RASGRP3: variants seen among roughly 807,000 people sequenced by gnomAD.
The protein encoded by RASGRP3 is RAS guanyl releasing protein 3.
Under a neutral mutation model 82.7 loss-of-function variants are expected in RASGRP3, and 54 were observed. The observed-to-expected ratio is 0.65, with a 90% confidence interval of 0.52 to 0.82. The LOEUF (loss-of-function observed/expected upper bound fraction) is 0.82. RASGRP3 is among the 40% of genes least tolerant of loss of function. The pLI, the probability that RASGRP3 is intolerant of heterozygous loss-of-function variation, is 0.00. For missense variants in RASGRP3, 861 were observed against 828.9 expected, an observed-to-expected ratio of 1.04 and a Z score of -0.48; for synonymous variants, 309 against 300.5, an observed-to-expected ratio of 1.03 and a Z score of -0.29.
At chr2:33,485,344 T>C (rs1047081691) in intron 1 of RASGRP3, among the ~76,000 whole-genome samples, 12 of 152,336 alleles carry the variant, frequency 7.9e-5, no homozygotes, top group African/African-American at 2.9e-4. Flanking sequence ...CAAAGAAATA[T>C]CCCTGGACTC....
intron 1 of RASGRP3, among the ~76,000 whole-genome samples, chr2:33,477,496 T>C (rs1667481570): frequency 6.6e-6 from 1 of 152,262 alleles, no homozygotes; most frequent in Non-Finnish European, 1.5e-5. Context: ...TCCTTGTTTA[T>C]GACCTGACTG....
At chr2:33,536,044 T>C (rs931073719) in intron 11 of RASGRP3, among the ~76,000 whole-genome samples, 3 of 152,092 alleles carry the variant, frequency 2.0e-5, no homozygotes, top group Admixed American at 6.5e-5. Context: ...GGCTCACACC[T>C]GTAATCCCAG....
In RASGRP3 at chr2:33,452,566, G is replaced by T. The variant is rs549978254; in HGVS notation, c.-261+4623G>T. On this transcript the variant is annotated intron_variant, in intron 2 of 18. Coordinates refer to the RASGRP3 transcript ENST00000402538. Reference sequence around the variant, plus strand: ...TCTGGACCCTGTGTTTGCAGGGGCTGGCCTGAAGTCTAGGTTCATGGGGGC... The same window carrying T: ...TCTGGACCCTGTGTTTGCAGGGGCTTGCCTGAAGTCTAGGTTCATGGGGGC... Among the ~76,000 whole-genome samples the T allele has an allele frequency of 2.7e-3, 405 of 152,276 alleles. 3 individuals are homozygous for T. The highest frequency in any genetic ancestry group is 9.1e-3 in the African/African-American group (379 of 41,554).
intron 11 of RASGRP3, among the ~76,000 whole-genome samples, chr2:33,535,136 TTTCTC>T (rs1229214658): frequency 6.6e-6 from 1 of 152,226 alleles, no homozygotes; most frequent in Non-Finnish European, 1.5e-5. Flanking sequence ...AATTTACAAA[TTTCTC>T]TACTAACCAT....
intron 2 of RASGRP3, among the ~76,000 whole-genome samples, chr2:33,453,037 C>T (rs1665878349): frequency 6.6e-6 from 1 of 152,214 alleles, no homozygotes; most frequent in African/African-American, 2.4e-5. Flanking sequence ...GTATCTTTCT[C>T]TGTGCTGTGC....
chr2:33,450,748 G>T (rs1665738400), intron 2 of RASGRP3, among the ~76,000 whole-genome samples: 1 of 148,104 alleles, frequency 6.8e-6, no homozygotes, highest in Non-Finnish European at 1.5e-5. Context: ...AAGTGGGATT[G>T]CTGAAGTATA....
intron 1 of RASGRP3, among the ~76,000 whole-genome samples, chr2:33,505,093 C>G (rs1558456270): frequency 6.6e-6 from 1 of 151,992 alleles, no homozygotes; most frequent in African/African-American, 2.4e-5. Context: ...ACATGAAGAG[C>G]ACCTAAATGA....
chr2:33,531,388 G>A (rs1673096054), intron 10 of RASGRP3, among the ~76,000 whole-genome samples: 1 of 152,202 alleles, frequency 6.6e-6, no homozygotes, highest in Non-Finnish European at 1.5e-5. Context: ...GGTCCGTAAA[G>A]CCCAGAGGAG....
intron 1 of RASGRP3, among the ~76,000 whole-genome samples, chr2:33,487,813 A>G (rs534342897): frequency 1.9e-4 from 29 of 152,302 alleles, no homozygotes; most frequent in African/African-American, 6.5e-4. Context: ...TAAGAAAGCC[A>G]TTAATGCCAG....
intron 2 of RASGRP3, among the ~76,000 whole-genome samples, chr2:33,469,462 A>AT (rs113071930): frequency 0.034 from 4,868 of 141,734 alleles, 236 homozygotes; most frequent in African/African-American, 0.11. Context: ...TTTGTATGTG[A>AT]TTTTTTTTTT....
chr2:33,439,357 T>C (rs1665098031), intron 1 of RASGRP3, among the ~76,000 whole-genome samples: 2 of 152,072 alleles, frequency 1.3e-5, no homozygotes, highest in Non-Finnish European at 2.9e-5. Context: ...GAGTTGGGTC[T>C]TGGTAAGCGG....
chr2:33,480,662 T>C (rs1012567669), intron 1 of RASGRP3, among the ~76,000 whole-genome samples: 1 of 152,236 alleles, frequency 6.6e-6, no homozygotes, highest in East Asian at 1.9e-4. Flanking sequence ...ACAATGCCTA[T>C]TTTGTTTCTT....
At position 33,558,739 on chromosome 2, in the gene RASGRP3, C is replaced by G. The variant is rs771210387; in HGVS notation, c.1773C>G (p.Ile591Met). The change falls in exon 17 of 18, where the codon ATC (isoleucine) becomes ATG (methionine). Residue 591 changes from isoleucine to methionine, a missense_variant. Physicochemically the swap from Ile to Met is conservative, Grantham distance 10 (BLOSUM62 1). Coordinates refer to ENST00000403687, the MANE Select transcript of RASGRP3 (RefSeq NM_001139488.2). Reference protein sequence around the residue: ...AGHRDLDSRAITLVTGSSRKI... With the variant: ...AGHRDLDSRAMTLVTGSSRKI... ...ACAGGGATTTAGACAGCAGAGCCAT[C>G]ACACTGGTTACAGGCTCTTCTCGCA... 1 of 1,613,920 alleles carries G rather than the reference C, an allele frequency of 6.2e-7. No individual in the cohort carries two copies. The highest frequency in any genetic ancestry group is 8.5e-7 in the Non-Finnish European group (1 of 1,179,882).
At chr2:33,457,634 C>T (rs1274429525) in intron 2 of RASGRP3, among the ~76,000 whole-genome samples, 3 of 151,824 alleles carry the variant, frequency 2.0e-5, no homozygotes, top group Admixed American at 2.0e-4. Flanking sequence ...ATGCGGAATG[C>T]ATTATTTGCA....
chr2:33,464,598 G>A (rs980036121), intron 2 of RASGRP3, among the ~76,000 whole-genome samples: 17 of 151,714 alleles, frequency 1.1e-4, no homozygotes, highest in Admixed American at 2.6e-4. Context: ...TTAGCTACCC[G>A]AATAGCTGGG....
At chr2:33,479,689 G>A (rs1439604737) in intron 1 of RASGRP3, among the ~76,000 whole-genome samples, 1 of 152,086 alleles carries the variant, frequency 6.6e-6, no homozygotes, top group Non-Finnish European at 1.5e-5. Context: ...CCACACACCA[G>A]TTGCATATCT....
rs114338366 is a variant in RASGRP3 at position 33,490,878 on chromosome 2, C to T, written c.-261+14171C>T. 4.4e-3 allele frequency among the ~76,000 whole-genome samples: 672 copies of T among 152,298 alleles called. 5 individuals are homozygous for T. The highest frequency in any genetic ancestry group is 0.016 in the African/African-American group (652 of 41,556). ...TCACTGCCGGATACCCAGGCCCTGGCATAATGTCTGGAAGGTAGAGACGTA... is the reference window on the plus strand; with the variant it reads ...TCACTGCCGGATACCCAGGCCCTGGTATAATGTCTGGAAGGTAGAGACGTA... On this transcript the variant is annotated intron_variant, in intron 1 of 17. Coordinates refer to ENST00000403687, the MANE Select transcript of RASGRP3 (RefSeq NM_001139488.2).
intron 1 of RASGRP3, among the ~76,000 whole-genome samples, chr2:33,486,315 C>T (rs1336493480): frequency 6.6e-6 from 1 of 151,982 alleles, no homozygotes; most frequent in African/African-American, 2.4e-5. Context: ...AGGTGCCCAC[C>T]ACCAAACCCA....
At chr2:33,530,439 C>A (rs1287086904) in intron 10 of RASGRP3, among the ~76,000 whole-genome samples, 2 of 151,478 alleles carry the variant, frequency 1.3e-5, no homozygotes, top group Non-Finnish European at 2.9e-5. Flanking sequence ...AATTCTCACA[C>A]ATACCCTGCA....
Sources: allele counts gnomAD v4.1 joint callset (sites outside exome capture counted in the v4.1 genomes callset), GRCh38; gene constraint gnomAD v4.1.1; transcripts MANE v1.5; gene names NCBI Gene and HGNC (gene_info 2026-07-23, HGNC 2026-07-21).